PHF6: variants seen among roughly 807,000 people sequenced by gnomAD.
PHF6 encodes PHD-like zinc finger protein.
A neutral mutation model predicts 34.0 loss-of-function variants in PHF6; 7 were observed. The ratio of observed to expected loss-of-function variants is 0.21; its 90% CI spans 0.12 to 0.39. PHF6 has a LOEUF of 0.39. PHF6 is among the 10% of genes least tolerant of loss of function. The pLI is 1.00. For synonymous variants in PHF6, 89 were observed against 88.4 expected, an observed-to-expected ratio of 1.01 and a Z score of -0.04; for missense variants, 128 against 262.8, an observed-to-expected ratio of 0.49 and a Z score of 3.55.
At chrX:134,380,701 A>G (rs1454519721) in intron 3 of PHF6, among the ~76,000 whole-genome samples, 1 of 111,856 alleles carries the variant, frequency 8.9e-6, no homozygotes, top group African/African-American at 3.3e-5. Flanking sequence ...TCTCCAGGCC[A>G]TGTTTTCCTC....
At chrX:134,384,845 G>T (rs1173356976) in intron 3 of PHF6, among the ~76,000 whole-genome samples, 1 of 110,424 alleles carries the variant, frequency 9.1e-6, no homozygotes, top group Non-Finnish European at 1.9e-5. Context: ...TAGAGACGCG[G>T]TTTCACCGTG....
chrX:134,414,663 G>C (rs920664038), intron 7 of PHF6, among the ~76,000 whole-genome samples: 1 of 110,278 alleles, frequency 9.1e-6, no homozygotes, highest in Non-Finnish European at 1.9e-5. Context: ...AAATACGCGA[G>C]TGATTCTAAT....
intron 9 of PHF6, among the ~76,000 whole-genome samples, chrX:134,424,274 T>C (rs1407833445): frequency 9.0e-6 from 1 of 111,457 alleles, no homozygotes; most frequent in Non-Finnish European, 1.9e-5. Context: ...AAATTAGCAC[T>C]CCAGAGATAA....
At chrX:134,390,966 C>CTTTTTTTTT (rs60513999) in intron 3 of PHF6, among the ~76,000 whole-genome samples, 3 of 92,812 alleles carry the variant, frequency 3.2e-5, no homozygotes, top group African/African-American at 7.9e-5. Flanking sequence ...TTCTTTTTTT[C>CTTTTTTTTT]TTTTTTTTTT....
intron 5 of PHF6, among the ~76,000 whole-genome samples, chrX:134,399,640 C>G (rs1194270886): frequency 9.3e-6 from 1 of 107,054 alleles, no homozygotes; most frequent in Non-Finnish European, 1.9e-5. Context: ...TCCTGTTCCC[C>G]AACCCCTAAC....
Position 134,427,678 on chromosome X carries a change from G to A in PHF6, c.*2018G>A, listed in dbSNP as rs772136904. The A allele has an allele frequency of 6.2e-6, 1 of 160,669 alleles. No homozygotes were observed. The highest frequency in any genetic ancestry group is 8.3e-5 in the Admixed American group (1 of 12,014). 13.2% of individuals were successfully genotyped at this position (160,669 alleles called of 1,213,427 possible). A position where few individuals can be genotyped will look rare whatever the true frequency, so the allele number is the denominator to read the frequency against. On this transcript the variant is annotated 3_prime_UTR_variant, in exon 11 of 11. Transcript: ENST00000370803. ...CAGAATAGCACTTTACCTTTTGGTT[G>A]GCTAGATAAGTGGCTGACTACCTGT...
In PHF6 at chrX:134,377,233, TTATC is replaced by T. The variant is rs34685911; in HGVS notation, c.-46-329_-46-326del. On this transcript the variant is annotated intron_variant, in intron 1 of 10. Coordinates refer to ENST00000370803, the MANE Select transcript of PHF6 (RefSeq NM_001015877.2). ...ACTCTAAACTTCATTTAGCTGTCTGTTATCTATCTATCTGTATTTATTACGGAGG... is the reference window on the plus strand; with the variant it reads ...ACTCTAAACTTCATTTAGCTGTCTGTTATCTATCTGTATTTATTACGGAGG... Among the ~76,000 whole-genome samples the T allele has an allele frequency of 6.6e-3, 744 of 112,333 alleles. 3 individuals are homozygous for T. The highest frequency in any genetic ancestry group is 0.011 in the Admixed American group (118 of 10,563).
intron 9 of PHF6, among the ~76,000 whole-genome samples, chrX:134,424,076 G>A (rs1304919445): frequency 3.7e-5 from 4 of 107,684 alleles, no homozygotes; most frequent in African/African-American, 6.8e-5. Context: ...AAACCTGCAC[G>A]TTGTGCACAT....
chrX:134,393,730 C>T, intron 4 of PHF6, 96 bp downstream of exon 4: 1 of 874,914 alleles, frequency 1.1e-6, no homozygotes, highest in Non-Finnish European at 1.6e-6. Context: ...ATTTCATCAT[C>T]ATCATAAAGG....
intron 5 of PHF6, among the ~76,000 whole-genome samples, chrX:134,406,711 T>C (rs1280020309): frequency 4.5e-5 from 5 of 112,121 alleles, no homozygotes; most frequent in Non-Finnish European, 9.4e-5. Context: ...GAATGTTTGG[T>C]GGCTCGGGAA....
At chrX:134,411,688 AAC>A (rs1446360728) in intron 5 of PHF6, among the ~76,000 whole-genome samples, 1 of 111,354 alleles carries the variant, frequency 9.0e-6, no homozygotes, top group African/African-American at 3.3e-5. Flanking sequence ...GAATGATTGA[AAC>A]AGTTATGATT....
rs1399554480 is a variant in PHF6, at chrX:134,428,664, T to C, written c.*3004T>C. ...ATGGGTCAAAAATCAAACATTCCTC[T>C]CATGTTATGTATATTTTGTTCCTGT... On this transcript the variant is annotated 3_prime_UTR_variant, in exon 11 of 11. Coordinates refer to ENST00000370803, the MANE Select transcript of PHF6 (RefSeq NM_001015877.2). The C allele has an allele frequency of 1.4e-5, 2 of 145,771 alleles. No homozygotes were observed. Among genetic ancestry groups the C allele is most frequent in the Non-Finnish European group, 1.4e-5 (1 of 73,204 alleles). The allele number at this position is 145,771 out of a possible 1,213,427, so 12.0% of individuals were successfully genotyped here. A position where few individuals can be genotyped will look rare whatever the true frequency, so the allele number is the denominator to read the frequency against.
intron 1 of PHF6, among the ~76,000 whole-genome samples, chrX:134,374,152 C>T (rs745736476): frequency 3.6e-5 from 4 of 111,266 alleles, no homozygotes; most frequent in Non-Finnish European, 7.5e-5. Flanking sequence ...GGAGAGGATC[C>T]GGTACTTTAT....
chrX:134,384,695 A>G (rs1435111314), intron 3 of PHF6, among the ~76,000 whole-genome samples: 15 of 107,513 alleles, frequency 1.4e-4, no homozygotes, highest in African/African-American at 5.1e-4. Context: ...TCTGTCGCCC[A>G]GGCTGGAGTA....
chrX:134,393,640 TATTTA>T lies in PHF6; in HGVS notation c.374+8_374+12del, dbSNP rs1376127163. ...CCTTCACAAGGAATTTACATGTAATTATTTAACTTCTCTTTAAGTTTTTTTTTTAA... is the reference window on the plus strand; with the variant it reads ...CCTTCACAAGGAATTTACATGTAATTACTTCTCTTTAAGTTTTTTTTTTAA... On this transcript the variant is annotated splice_region_variant and intron_variant, in intron 4 of 10. Coordinates refer to ENST00000370803, the MANE Select transcript of PHF6 (RefSeq NM_001015877.2). 1 of 1,193,940 alleles carries T rather than the reference TATTTA, an allele frequency of 8.4e-7. No individual in the cohort carries two copies. Among genetic ancestry groups the T allele is most frequent in the Admixed American group, 2.2e-5 (1 of 45,169 alleles).
At chrX:134,391,655 C>G (rs1235514142) in intron 3 of PHF6, among the ~76,000 whole-genome samples, 1 of 111,722 alleles carries the variant, frequency 9.0e-6, no homozygotes, top group Non-Finnish European at 1.9e-5. Flanking sequence ...AGATAAACTA[C>G]TTTCCCTAAA....
intron 5 of PHF6, among the ~76,000 whole-genome samples, chrX:134,394,298 T>A (rs1025619628): frequency 9.1e-6 from 1 of 110,229 alleles, no homozygotes; most frequent in African/African-American, 3.3e-5. Context: ...AATGCCCAGC[T>A]AATTTTTGTA....
intron 1 of PHF6, 60 bp from the exon 2 acceptor site, chrX:134,377,512 A>C (rs760411138): frequency 1.1e-6 from 1 of 889,972 alleles, no homozygotes; most frequent in Admixed American, 3.2e-5. Flanking sequence ...AACTTTCATG[A>C]ATATGTATAA....
chrX:134,393,398 A>G (rs1163999037), intron 3 of PHF6, 103 bp from the exon 4 acceptor site: 1 of 906,271 alleles, frequency 1.1e-6, no homozygotes. Context: ...AAACTTTTCA[A>G]TAACCAATTT....
Sources: gnomAD v4.1 joint callset for allele counts (sites outside exome capture counted in the v4.1 genomes callset) on GRCh38, gnomAD v4.1.1 for gene constraint, MANE v1.5 for transcripts, NCBI Gene and HGNC (gene_info 2026-07-23, HGNC 2026-07-21) for gene names.